AKAP8L: variants seen among roughly 807,000 people sequenced by gnomAD.
AKAP8L encodes the protein A-kinase anchor protein 8-like.
In AKAP8L, 34 loss-of-function variants were observed where a neutral mutation model predicts 77.5. That is an observed-to-expected ratio of 0.44 (90% CI 0.33 to 0.58). The LOEUF is 0.58. AKAP8L is among the 20% of genes least tolerant of loss of function. AKAP8L has a pLI of 0.02. For missense variants in AKAP8L, 806 were observed against 887.6 expected, an observed-to-expected ratio of 0.91 and a Z score of 1.17; for synonymous variants, 342 against 340.7, an observed-to-expected ratio of 1.00 and a Z score of -0.04.
At position 15,397,284 on chromosome 19, in the gene AKAP8L, T is replaced by C. The variant is rs1259545799; in HGVS notation, c.1406-4A>G. ...ACAAAATGCTCCATGGCAATTTCTG[T>C]AGTGGGGAGGAGGGAGTCACCACTG... is the stretch of plus-strand genomic sequence containing the variant. On this transcript the variant is annotated splice_polypyrimidine_tract_variant and splice_region_variant and intron_variant, in intron 11 of 13. Coordinates refer to ENST00000397410, the MANE Select transcript of AKAP8L (RefSeq NM_014371.4). This position sits in a 1 kb window ranked among gnomAD's most constrained non-coding sequence, Gnocchi z 4.7. 5.0e-6 allele frequency: 8 copies of C among 1,613,782 alleles called. No homozygotes were observed. The highest frequency in any genetic ancestry group is 1.6e-4 in the Middle Eastern group (1 of 6,070).
At chr19:15,380,913 A>G (rs1243342109) in intron 12 of AKAP8L, 3 of 352,872 alleles carry the variant, frequency 8.5e-6, no homozygotes, top group East Asian at 4.9e-5. Context: ...GCAGTGAACA[A>G]TTAAGAAACT....
rs554514625 is a variant in AKAP8L, at chr19:15,382,997, C to T, written c.1537-2385G>A. 1.5e-4 allele frequency among the ~76,000 whole-genome samples: 23 copies of T among 152,314 alleles called. No homozygotes were observed. In the Middle Eastern group the frequency reaches 0.01, roughly 68 times the overall value. On this transcript the variant is annotated intron_variant, in intron 12 of 13. Coordinates refer to ENST00000397410, the MANE Select transcript of AKAP8L (RefSeq NM_014371.4). ...ACCATTTATTTCCCTACCAAATTGG[C>T]ATATAGGTCTACCATCCCTTATCTA...
chr19:15,403,917 C>G lies in AKAP8L; in HGVS notation c.121+93G>C. The G allele has an allele frequency of 1.4e-6, 2 of 1,475,930 alleles. No homozygotes were observed. The highest frequency in any genetic ancestry group is 4.5e-5 in the East Asian group (2 of 44,146). The allele number at this position is 1,475,930 out of a possible 1,614,324, so 91.4% of individuals were successfully genotyped here. A position where few individuals can be genotyped will look rare whatever the true frequency, so the allele number is the denominator to read the frequency against. On this transcript the variant is annotated intron_variant, in intron 3 of 13. Coordinates refer to ENST00000397410, the MANE Select transcript of AKAP8L (RefSeq NM_014371.4). This position sits in a 1 kb window ranked among gnomAD's most constrained non-coding sequence, Gnocchi z 4.3. ...TAACCCCAGAAACATGCCCCCTCCC[C>G]ACTCCCAACCTTGGCCAAGCAGGGC...
intron 1 of AKAP8L, among the ~76,000 whole-genome samples, chr19:15,417,957 A>C (rs1968238036): frequency 6.6e-6 from 1 of 151,348 alleles, no homozygotes; most frequent in Non-Finnish European, 1.5e-5. Flanking sequence ...TCTGTCACCC[A>C]CTCTCCCTTT....
intron 8 of AKAP8L, chr19:15,400,084 C>T: frequency 1.6e-6 from 1 of 607,764 alleles, no homozygotes; most frequent in Non-Finnish European, 2.9e-6. Flanking sequence ...GGGGTCACCA[C>T]CATCCACAGC....
At chr19:15,411,068 C>T (rs922802010) in intron 1 of AKAP8L, among the ~76,000 whole-genome samples, 7 of 152,312 alleles carry the variant, frequency 4.6e-5, no homozygotes, top group Middle Eastern at 3.4e-3. Context: ...CCCTCCTGAA[C>T]CTCCCAAAGT....
Position 15,400,948 on chromosome 19 carries a change from A to G in AKAP8L, c.912T>C (p.Asn304=). 1.2e-6 allele frequency: 2 copies of G among 1,613,786 alleles called. No homozygotes were observed. Among genetic ancestry groups the G allele is most frequent in the Non-Finnish European group, 1.7e-6 (2 of 1,179,854 alleles). The change falls in exon 6 of 14, where the codon AAT becomes AAC. Residue 304 remains asparagine (N), a splice_region_variant and synonymous_variant. Coordinates refer to ENST00000397410, the MANE Select transcript of AKAP8L (RefSeq NM_014371.4). ...CCCAGTACCACCTAGTGGGCTCACC[A>G]TTGTCTGAGTCGCTGTTGTCCGAGC... ...TDCSDNSDSD[N]DEGTEGEATE...
At chr19:15,394,186 A>T (rs1967721902) in intron 12 of AKAP8L, among the ~76,000 whole-genome samples, 1 of 151,372 alleles carries the variant, frequency 6.6e-6, no homozygotes. Context: ...CCAAAAAGAT[A>T]AATAAACAAA....
chr19:15,415,258 C>A (rs1324329609), intron 1 of AKAP8L, among the ~76,000 whole-genome samples: 1 of 151,962 alleles, frequency 6.6e-6, no homozygotes, highest in African/African-American at 2.4e-5. Context: ...CATAGTGAGA[C>A]CTCATCTCAG....
Position 15,380,374 on chromosome 19 carries a change from C to G in AKAP8L, c.1689G>C (p.Glu563Asp). ...PEEEKEQEEA[E>D]GGALDEGAQG... ...GCGCCCCCTCGTCCAGGGCACCGCC[C>G]TCAGCCTCCTCCTGCTCCTTCTCCT... Residue 563 changes from glutamate to aspartate, a missense_variant, in exon 14 of 14, where the codon GAG becomes GAC. Around this residue, in one of 2 missense-constraint regions of AKAP8L, gnomAD observed 226 missense variants for 193.5 expected, o/e 1.17. Coordinates refer to ENST00000397410, the MANE Select transcript of AKAP8L (RefSeq NM_014371.4). 6.4e-7 allele frequency: 1 copy of G among 1,571,826 alleles called. No individual in the cohort carries two copies. Among genetic ancestry groups the G allele is most frequent in the Non-Finnish European group, 8.6e-7 (1 of 1,161,740 alleles).
chr19:15,389,097 G>A (rs1317594899), intron 12 of AKAP8L, among the ~76,000 whole-genome samples: 4 of 146,946 alleles, frequency 2.7e-5, no homozygotes, highest in Non-Finnish European at 6.0e-5. Flanking sequence ...GGTGGTGGGC[G>A]CCTATAGTCC....
chr19:15,387,231 T>A (rs1422241376), intron 12 of AKAP8L, among the ~76,000 whole-genome samples: 1 of 152,030 alleles, frequency 6.6e-6, no homozygotes, highest in African/African-American at 2.4e-5. Flanking sequence ...AGTGGCAGAG[T>A]CACTCAGAGA....
At chr19:15,391,514 ATTT>A (rs1386943186) in intron 12 of AKAP8L, among the ~76,000 whole-genome samples, 3 of 51,536 alleles carry the variant, frequency 5.8e-5, no homozygotes, top group African/African-American at 2.8e-4. Context: ...AATAAACATT[ATTT>A]TATGTTTTTA....
intron 12 of AKAP8L, among the ~76,000 whole-genome samples, chr19:15,384,932 G>T (rs1275296302): frequency 6.6e-6 from 1 of 151,466 alleles, no homozygotes; most frequent in Non-Finnish European, 1.5e-5. Flanking sequence ...GTGCAGTGGC[G>T]CGATATCAGC....
intron 1 of AKAP8L, among the ~76,000 whole-genome samples, chr19:15,414,373 T>C (rs1272701859): frequency 1.3e-5 from 2 of 151,904 alleles, no homozygotes; most frequent in African/African-American, 4.8e-5. Context: ...CTTAGCTGGT[T>C]TGTAAAGTGT....
rs372294703 is a variant in AKAP8L, at chr19:15,403,559, G to A, written c.278C>T (p.Ser93Phe). The A allele has an allele frequency of 9.8e-5, 158 of 1,613,828 alleles. No individual in the cohort carries two copies. Among genetic ancestry groups the A allele is most frequent in the Middle Eastern group, 8.2e-4 (5 of 6,082 alleles). ...CATATCTAAGCGCTGGTTAATTCTG[G>A]ATAAAACGGAATCGGCACTGGCGCT... Reference protein sequence around the residue: ...SGSASADSVLSRINQRLDMVP... With the variant: ...SGSASADSVLFRINQRLDMVP... The change falls in exon 4 of 14, where the codon TCC becomes TTC. Residue 93 changes from serine to phenylalanine, a missense_variant. Ser to Phe is a radical substitution (Grantham distance 155, BLOSUM62 -2). Coordinates refer to ENST00000397410, the MANE Select transcript of AKAP8L (RefSeq NM_014371.4). This position sits in a 1 kb window ranked among gnomAD's most constrained non-coding sequence, Gnocchi z 4.3.
At chr19:15,388,779 G>A (rs1213563984) in intron 12 of AKAP8L, among the ~76,000 whole-genome samples, 1 of 151,946 alleles carries the variant, frequency 6.6e-6, no homozygotes, top group Non-Finnish European at 1.5e-5. Flanking sequence ...AGCCGGGCGT[G>A]GTGGCGGGCG....
At chr19:15,388,673 T>C (rs1443163998) in intron 12 of AKAP8L, among the ~76,000 whole-genome samples, 1 of 150,180 alleles carries the variant, frequency 6.7e-6, no homozygotes, top group South Asian at 2.1e-4. Context: ...CCCAGCACTT[T>C]GGGAGGCCGA....
At chr19:15,387,600 G>A (rs893486199) in intron 12 of AKAP8L, among the ~76,000 whole-genome samples, 3 of 152,024 alleles carry the variant, frequency 2.0e-5, no homozygotes, top group Admixed American at 2.0e-4. Flanking sequence ...AGAGGACAAG[G>A]ACCAGTGAAA....
Sources: gnomAD v4.1 joint callset for allele counts (sites outside exome capture counted in the v4.1 genomes callset) on GRCh38, gnomAD v4.1.1 for gene constraint, gnomAD v4.1.1 regional missense constraint, Gnocchi (gnomAD v3.1) non-coding constraint, MANE v1.5 for transcripts, NCBI Gene and HGNC (gene_info 2026-07-23, HGNC 2026-07-21) for gene names.